Variants in SPRY3 observed in about 807,000 individuals in gnomAD.
SPRY3 encodes the protein sprouty RTK signaling antagonist 3, also known as protein sprouty homolog 3.
In SPRY3, 15 loss-of-function variants were observed where a neutral mutation model predicts 20.2. That is an observed-to-expected ratio of 0.74 (90% confidence interval 0.50 to 1.14). The LOEUF (loss-of-function observed/expected upper bound fraction) is 1.14, where lower values mean the gene tolerates loss of function less well. SPRY3 is among the 50% of genes most tolerant of loss of function. SPRY3 has a pLI of 0.00. For missense variants in SPRY3, 364 were observed against 363.9 expected, an observed-to-expected ratio of 1.00 and a Z score of 0.00; for synonymous variants, 143 against 136.5, an observed-to-expected ratio of 1.05 and a Z score of -0.33.
intron 2 of SPRY3, among the ~76,000 whole-genome samples, chrX:155,726,235 C>T (rs1051324829): frequency 3.3e-5 from 5 of 152,024 alleles, no homozygotes; most frequent in Admixed American, 2.0e-4. Context: ...TGCTTTACTA[C>T]CGATTATGTT....
At chrX:155,708,736 G>T (rs2090967975) in intron 2 of SPRY3, among the ~76,000 whole-genome samples, 1 of 151,362 alleles carries the variant, frequency 6.6e-6, no homozygotes, top group Admixed American at 6.6e-5. Context: ...TATCCTTTGT[G>T]TTACAAACAA....
At chrX:155,707,232 ATTTCT>A (rs2090958201) in intron 2 of SPRY3, among the ~76,000 whole-genome samples, 1 of 150,988 alleles carries the variant, frequency 6.6e-6, no homozygotes, top group African/African-American at 2.4e-5. Flanking sequence ...TTTCCTTGTG[ATTTCT>A]TTTATTTATG....
At chrX:155,724,616 G>T (rs747798101) in intron 2 of SPRY3, among the ~76,000 whole-genome samples, 1 of 152,196 alleles carries the variant, frequency 6.6e-6, no homozygotes, top group Admixed American at 6.5e-5. Context: ...GTCTGTTATT[G>T]GTGTATAAGA....
chrX:155,720,203 C>G (rs982632912), intron 2 of SPRY3, among the ~76,000 whole-genome samples: 1 of 152,124 alleles, frequency 6.6e-6, no homozygotes, highest in East Asian at 1.9e-4. Context: ...CAGGGTGGGG[C>G]TCCTTTGAAT....
At chrX:155,781,272 A>G, downstream of SPRY3, 2 of 167,112 alleles carry the variant, frequency 1.2e-5, no homozygotes. Context: ...CTTCAGAGAG[A>G]AATACCAGAC....
At chrX:155,774,779 C>A in exon 4 of SPRY3, 1 of 1,569,744 alleles carries the variant, frequency 6.4e-7, no homozygotes, top group Non-Finnish European at 8.6e-7. Context: ...TCCTTCGAGT[C>A]CCCAACAGCA....
intron 2 of SPRY3, among the ~76,000 whole-genome samples, chrX:155,709,631 A>G (rs1466608661): frequency 6.6e-6 from 1 of 151,430 alleles, no homozygotes; most frequent in Admixed American, 6.6e-5. Context: ...CACTTTGTTG[A>G]TTGTATTCTT....
At chrX:155,621,041 A>G (rs781919068) in intron 1 of SPRY3, among the ~76,000 whole-genome samples, 2 of 111,511 alleles carry the variant, frequency 1.8e-5, no homozygotes, top group Admixed American at 9.5e-5. Context: ...ACAGAAAATC[A>G]ACTTTACTGC....
At chrX:155,744,854 T>G (rs1350841406) in intron 2 of SPRY3, among the ~76,000 whole-genome samples, 1 of 152,018 alleles carries the variant, frequency 6.6e-6, no homozygotes, top group Non-Finnish European at 1.5e-5. Flanking sequence ...GCTTAGATTT[T>G]TCATGCTCCC....
chrX:155,762,284 A>C (rs1432062612), intron 2 of SPRY3, among the ~76,000 whole-genome samples: 1 of 152,172 alleles, frequency 6.6e-6, no homozygotes, highest in African/African-American at 2.4e-5. Context: ...GTCATATATG[A>C]ATCTTCAAGG....
chrX:155,711,175 T>A (rs1007153329), intron 2 of SPRY3, among the ~76,000 whole-genome samples: 2 of 151,904 alleles, frequency 1.3e-5, no homozygotes, highest in African/African-American at 4.8e-5. Flanking sequence ...ACTGGCATCA[T>A]AGAATGAGTT....
At chrX:155,720,439 G>A (rs1229182408) in intron 2 of SPRY3, among the ~76,000 whole-genome samples, 2 of 152,124 alleles carry the variant, frequency 1.3e-5, no homozygotes, top group Non-Finnish European at 2.9e-5. Flanking sequence ...GAGACCCATG[G>A]TCTTGAGCAA....
chrX:155,771,279 AGTCAT>A (rs2091379732), intron 3 of SPRY3, among the ~76,000 whole-genome samples: 1 of 152,156 alleles, frequency 6.6e-6, no homozygotes, highest in African/African-American at 2.4e-5. Context: ...ATTGTTTCTG[AGTCAT>A]TTATATTATG....
intron 2 of SPRY3, among the ~76,000 whole-genome samples, chrX:155,741,130 A>G (rs2091202730): frequency 6.6e-6 from 1 of 152,218 alleles, no homozygotes; most frequent in African/African-American, 2.4e-5. Context: ...GCTGATAACC[A>G]GGATAGCCAG....
chrX:155,774,882 C>T (rs2091413809), exon 4 of SPRY3: 1 of 890,046 alleles, frequency 1.1e-6, no homozygotes, highest in Non-Finnish European at 1.7e-6. Flanking sequence ...GGGGAATGAC[C>T]AAGTACATCC....
intron 2 of SPRY3, among the ~76,000 whole-genome samples, chrX:155,742,028 C>T (rs974171643): frequency 6.6e-6 from 1 of 151,970 alleles, no homozygotes; most frequent in Non-Finnish European, 1.5e-5. Context: ...GCTAAATGCC[C>T]CAATTAAAAG....
chrX:155,782,186 C>G (rs1233482840), exon 2 of SPRY3: 3 of 166,972 alleles, frequency 1.8e-5, no homozygotes, highest in African/African-American at 7.2e-5. Flanking sequence ...GGAGGAGCTT[C>G]TTTTGTAGAA....
At chrX:155,774,140 A>T (rs755672247) in exon 4 of SPRY3, 2 of 1,613,842 alleles carry the variant, frequency 1.2e-6, no homozygotes, top group African/African-American at 2.7e-5. Flanking sequence ...TCAATGTCCC[A>T]TAGCACCACT....
chrX:155,660,785 C>G (rs1569562527), intron 2 of SPRY3, among the ~76,000 whole-genome samples: 1 of 100,047 alleles, frequency 1.0e-5, no homozygotes, highest in African/African-American at 3.6e-5. Context: ...CCTTCTTTGT[C>G]TTTTTTTTTT....
Sources: gnomAD v4.1 joint callset for allele counts (sites outside exome capture counted in the v4.1 genomes callset) on GRCh38, gnomAD v4.1.1 for gene constraint, MANE v1.5 for transcripts, NCBI Gene and HGNC (gene_info 2026-07-23, HGNC 2026-07-21) for gene names.